Variants in TRIM67 observed in about 807,000 individuals in gnomAD.
The protein encoded by TRIM67 is tripartite motif-containing protein 67.
TRIM67 carries 39 observed loss-of-function variants against 71.0 expected under a neutral mutation model. The ratio of observed to expected loss-of-function variants is 0.55; its 90% CI spans 0.43 to 0.72. The LOEUF (loss-of-function observed/expected upper bound fraction) is 0.72. Ranked by LOEUF, TRIM67 falls within the 30% of genes least tolerant of loss-of-function variation. The pLI is 0.00. For missense variants in TRIM67, 973 were observed against 1,079.2 expected (o/e 0.90, Z 1.38); for synonymous variants, 481 against 473.9 (o/e 1.01, Z -0.19).
chr1:231,187,541 AG>A (rs1169374526), intron 1 of TRIM67: 8 of 1,532,770 alleles, frequency 5.2e-6, no homozygotes, highest in Non-Finnish European at 7.0e-6. Context: ...GCAGATAAAA[AG>A]GTGAGAGAAA....
chr1:231,218,907 ACT>A lies in TRIM67; in HGVS notation c.*3471_*3472del. 6 of 985,236 alleles carry A rather than the reference ACT, an allele frequency of 6.1e-6. No homozygotes were observed. Among genetic ancestry groups the A allele is most frequent in the Non-Finnish European group, 7.2e-6 (6 of 829,912 alleles). The allele number at this position is 985,236 out of a possible 1,614,324, so 61.0% of individuals were successfully genotyped here. A position where few individuals can be genotyped will look rare whatever the true frequency, so the allele number is the denominator to read the frequency against. Reference sequence around the variant, plus strand: ...CCCCTGCCCTCCGCCCCACCACAGCACTCTCAGGAAAGGATCAGAATGCAGGA... The same window carrying A: ...CCCCTGCCCTCCGCCCCACCACAGCACTCAGGAAAGGATCAGAATGCAGGA... On this transcript the variant is annotated 3_prime_UTR_variant, in exon 10 of 10. Coordinates refer to ENST00000366653, the MANE Select transcript of TRIM67 (RefSeq NM_001004342.5).
chr1:231,173,540 G>A (rs182235887), intron 1 of TRIM67, among the ~76,000 whole-genome samples: 2 of 152,274 alleles, frequency 1.3e-5, no homozygotes, highest in East Asian at 3.9e-4. Context: ...AGAAGACAAG[G>A]GCCAAGAACC....
At chr1:231,203,818 G>A (rs749080331) in intron 5 of TRIM67, 49 bp from the exon 6 acceptor site, 3 of 1,583,360 alleles carry the variant, frequency 1.9e-6, no homozygotes, top group Non-Finnish European at 2.6e-6. Flanking sequence ...GACCGGGCTG[G>A]GGCCCTCGGA....
At position 231,167,319 on chromosome 1, in the gene TRIM67, C is replaced by CTTTTTTTTTTTTTTT. The variant is rs1159766852; in HGVS notation, c.1044+3313_1044+3327dup. Among the ~76,000 whole-genome samples, 9 of 51,832 alleles carry CTTTTTTTTTTTTTTT rather than the reference C, an allele frequency of 1.7e-4. 1 individual carries two copies. Among genetic ancestry groups the CTTTTTTTTTTTTTTT allele is most frequent in the East Asian group, 5.8e-4 (1 of 1,726 alleles). The allele number at this position is 51,832 out of a possible 152,430, so 34.0% of individuals were successfully genotyped here. ...ACAGGACTTTTGATCACTCTAATGT[C>CTTTTTTTTTTTTTTT]TTTTTTTTTTTTTTTTTTTTTGAGA... On this transcript the variant is annotated intron_variant, in intron 1 of 9. Transcript: ENST00000366653.
chr1:231,169,320 G>T (rs1175595341), intron 1 of TRIM67, among the ~76,000 whole-genome samples: 1 of 145,606 alleles, frequency 6.9e-6, no homozygotes. Flanking sequence ...CTCCCAAACT[G>T]TTGGGATTAC....
At position 231,163,144 on chromosome 1, in the gene TRIM67, G is replaced by T. The variant is rs775945293; in HGVS notation, c.175G>T (p.Ala59Ser). 8 of 1,515,676 alleles carry T rather than the reference G, an allele frequency of 5.3e-6. No homozygotes were observed. Among genetic ancestry groups the T allele is most frequent in the Non-Finnish European group, 7.1e-6 (8 of 1,130,940 alleles). 93.9% of individuals were successfully genotyped at this position (1,515,676 alleles called of 1,614,324 possible). Reference sequence around the variant, plus strand: ...GCTTTCCCGGGGATCGGGGCTGCAGGCGGGCGCCGCCGCCGCTGCCTCTCT... The same window carrying T: ...GCTTTCCCGGGGATCGGGGCTGCAGTCGGGCGCCGCCGCCGCTGCCTCTCT... ...LLLSRGSGLQ[A>S]GAAAAASLEH... Residue 59 changes from alanine to serine, a missense_variant, in exon 1 of 10, where the codon GCG (alanine) becomes TCG (serine). Coordinates refer to ENST00000366653, the MANE Select transcript of TRIM67 (RefSeq NM_001004342.5).
At chr1:231,168,753 A>G (rs1006290354) in intron 1 of TRIM67, among the ~76,000 whole-genome samples, 1 of 152,264 alleles carries the variant, frequency 6.6e-6, no homozygotes, top group South Asian at 2.1e-4. Flanking sequence ...TTTAACATGT[A>G]CAGATATTGC....
In TRIM67 at chr1:231,216,239, C is replaced by T. The variant is rs1205125852; in HGVS notation, c.*799C>T. On this transcript the variant is annotated 3_prime_UTR_variant, in exon 10 of 10. Coordinates refer to ENST00000366653, the MANE Select transcript of TRIM67 (RefSeq NM_001004342.5). The stretch of plus-strand genomic sequence containing the variant: ...TCCTTCTCTCTTACTTTCCTCCATC[C>T]CTGCCTCTTTCTTCCCTCTTTCGCT... 12 of 968,930 alleles carry T rather than the reference C, an allele frequency of 1.2e-5. No individual in the cohort carries two copies. Among genetic ancestry groups the T allele is most frequent in the Non-Finnish European group, 3.7e-6 (3 of 815,256 alleles). 60.0% of individuals were successfully genotyped at this position (968,930 alleles called of 1,614,324 possible). A position where few individuals can be genotyped will look rare whatever the true frequency, so the allele number is the denominator to read the frequency against.
intron 1 of TRIM67, among the ~76,000 whole-genome samples, chr1:231,196,277 CT>C (rs1186423309): frequency 1.3e-5 from 2 of 152,092 alleles, no homozygotes; most frequent in Admixed American, 1.3e-4. Context: ...CTATCCTCAG[CT>C]TTTTAATGTG....
chr1:231,171,951 C>T (rs1558290755), intron 1 of TRIM67, among the ~76,000 whole-genome samples: 1 of 152,036 alleles, frequency 6.6e-6, no homozygotes, highest in Non-Finnish European at 1.5e-5. Flanking sequence ...AAGCATTTAG[C>T]CAAGGATGGT....
rs528300262 is a variant in TRIM67 at position 231,203,812 on chromosome 1, G to A, written c.1535-55G>A. The A allele has an allele frequency of 2.2e-5, 35 of 1,574,460 alleles. No individual in the cohort carries two copies. In the East Asian group the frequency reaches 3.9e-4, roughly 17 times the overall value. ...CTGGGATGGGGTGGGGTGGGGGACC[G>A]GGCTGGGGCCCTCGGAGGGCTTCCT... On this transcript the variant is annotated intron_variant, in intron 5 of 9. Transcript: ENST00000366653.
intron 1 of TRIM67, among the ~76,000 whole-genome samples, chr1:231,176,906 CAAA>C (rs56115614): frequency 2.0e-4 from 15 of 74,400 alleles, no homozygotes; most frequent in South Asian, 5.5e-4. Context: ...TACAATCTGG[CAAA>C]AAAAAAAAAA....
intron 1 of TRIM67, chr1:231,184,290 G>A (rs899203207): frequency 6.6e-6 from 1 of 151,958 alleles, no homozygotes; most frequent in Non-Finnish European, 1.5e-5. Context: ...CTGATTTGCT[G>A]ATGTTAAAGT....
chr1:231,208,008 AC>A (rs1340719736), intron 7 of TRIM67, among the ~76,000 whole-genome samples: 1 of 135,428 alleles, frequency 7.4e-6, no homozygotes, highest in Non-Finnish European at 1.6e-5. Flanking sequence ...TTCCTCCTGT[AC>A]TTTTTTTTTT....
rs758914787 is a variant in TRIM67 at position 231,203,879 on chromosome 1, C to T, written c.1547C>T (p.Pro516Leu). The T allele has an allele frequency of 6.2e-7, 1 of 1,613,636 alleles. No homozygotes were observed. Among genetic ancestry groups the T allele is most frequent in the Non-Finnish European group, 8.5e-7 (1 of 1,179,846 alleles). The change falls in exon 6 of 10, where the codon CCC (proline) becomes CTC (leucine). Residue 516 changes from proline to leucine, a missense_variant. Physicochemically the swap from Pro to Leu is moderately conservative, Grantham distance 98. Around this residue, in one of 2 missense-constraint regions of TRIM67, gnomAD observed 795 missense variants for 831.3 expected, o/e 0.96. Coordinates refer to ENST00000366653, the MANE Select transcript of TRIM67 (RefSeq NM_001004342.5). ...GTCCCCCTCGCAGTGCCACCCGTCC[C>T]CCTACTGCAGCTGGAGAAATGCTGC... ...IQMKCRVPPV[P>L]LLQLEKCCTR...
At position 231,163,227 on chromosome 1, in the gene TRIM67, C is replaced by T; in HGVS notation, c.258C>T (p.Gly86=). 3.3e-6 allele frequency: 5 copies of T among 1,493,024 alleles called. No individual in the cohort carries two copies. The highest frequency in any genetic ancestry group is 2.8e-5 in the East Asian group (1 of 36,086). 92.5% of individuals were successfully genotyped at this position (1,493,024 alleles called of 1,614,324 possible). A position where few individuals can be genotyped will look rare whatever the true frequency, so the allele number is the denominator to read the frequency against. The change falls in exon 1 of 10, where the codon GGC becomes GGT. Residue 86 remains glycine (G), a synonymous_variant. Transcript: ENST00000366653. ...GCGGTGCAGGCGGGAGTGCAGCTGG[C>T]GGCCTCGGCGGCGGTGCGGGAGGTG... ...ACGGAGGSAA[G]GLGGGAGGGG... is the part of the protein sequence containing the mutation.
Position 231,215,730 on chromosome 1 carries a change from A to G in TRIM67, c.*290A>G. On this transcript the variant is annotated 3_prime_UTR_variant, in exon 10 of 10. Coordinates refer to ENST00000366653, the MANE Select transcript of TRIM67 (RefSeq NM_001004342.5). ...AAGGACCTTTCTCAAGGGAGTCAGC[A>G]TTCGGGCTTCATGTCTATGTTTCCT... The G allele has an allele frequency of 5.0e-6, 6 of 1,199,300 alleles. No individual in the cohort carries two copies. The highest frequency in any genetic ancestry group is 5.2e-6 in the Non-Finnish European group (5 of 966,284). The allele number at this position is 1,199,300 out of a possible 1,614,324, so 74.3% of individuals were successfully genotyped here. A position where few individuals can be genotyped will look rare whatever the true frequency, so the allele number is the denominator to read the frequency against.
At chr1:231,187,635 AC>A in intron 1 of TRIM67, 3 of 1,369,418 alleles carry the variant, frequency 2.2e-6, no homozygotes, top group Non-Finnish European at 3.0e-6. Flanking sequence ...CTGTTTTAAT[AC>A]ACGCCCCATC....
At position 231,206,757 on chromosome 1, in the gene TRIM67, T is replaced by C. The variant is rs2102757906; in HGVS notation, c.1786T>C (p.Tyr596His). The C allele has an allele frequency of 1.2e-6, 2 of 1,610,412 alleles. No homozygotes were observed. The highest frequency in any genetic ancestry group is 4.5e-5 in the East Asian group (2 of 44,584). ...TTTCAACTCTTCTGGTGTCGGGCCT[T>C]ACAGTAAAACTGTCGTCCTGCAGAC... is the stretch of plus-strand genomic sequence containing the variant. ...KAFNSSGVGPYSKTVVLQTSD... is the reference protein window; with the variant it reads ...KAFNSSGVGPHSKTVVLQTSD... Residue 596 changes from tyrosine to histidine, a missense_variant, in exon 7 of 10, where the codon TAC becomes CAC. Tyr to His is a moderately conservative substitution (Grantham distance 83). Around this residue, in one of 2 missense-constraint regions of TRIM67, gnomAD observed 795 missense variants for 831.3 expected, o/e 0.96. Coordinates refer to ENST00000366653, the MANE Select transcript of TRIM67 (RefSeq NM_001004342.5).
Sources: allele counts gnomAD v4.1 joint callset (sites outside exome capture counted in the v4.1 genomes callset), GRCh38; gene constraint gnomAD v4.1.1; regional missense constraint gnomAD v4.1.1; transcripts MANE v1.5; gene names NCBI Gene and HGNC (gene_info 2026-07-23, HGNC 2026-07-21).